The following TTC39B variants were observed in gnomAD, a reference collection of about 807,000 sequenced individuals.
The protein encoded by TTC39B is tetratricopeptide repeat protein 39B.
In TTC39B, 92 loss-of-function variants were observed where a neutral mutation model predicts 96.6. That is an observed-to-expected ratio of 0.95 (90% CI 0.80 to 1.13). TTC39B has a LOEUF of 1.13. Ranked by LOEUF, TTC39B falls within the 50% of genes most tolerant of loss-of-function variation. The pLI is 0.00. For synonymous variants in TTC39B, 367 were observed against 299.4 expected (o/e 1.23, Z -2.33); for missense variants, 955 against 809.3 (o/e 1.18, Z -2.18).
At chr9:15,176,701 G>A (rs1369991779) in intron 18 of TTC39B, among the ~76,000 whole-genome samples, 1 of 152,112 alleles carries the variant, frequency 6.6e-6, no homozygotes, top group Non-Finnish European at 1.5e-5. Flanking sequence ...GGCCCACACT[G>A]TGCAAAGCAA....
chr9:15,215,018 C>G lies in TTC39B; in HGVS notation c.372-769G>C, dbSNP rs544637019. On this transcript the variant is annotated intron_variant, in intron 3 of 19. Transcript: ENST00000512701. ...GGCTCATGCCCGGCACTTTAGGAGA[C>G]TGAGGCAGGAGGAATGCTTGAGGCC... Among the ~76,000 whole-genome samples the G allele has an allele frequency of 2.0e-5, 3 of 152,296 alleles. No individual in the cohort carries two copies. The South Asian group carries it at 6.2e-4, about 32-fold the overall frequency.
intron 1 of TTC39B, among the ~76,000 whole-genome samples, chr9:15,302,186 T>C (rs1194938674): frequency 1.4e-5 from 2 of 145,798 alleles, no homozygotes; most frequent in Non-Finnish European, 3.0e-5. Flanking sequence ...ATTAGCTGGA[T>C]GTGGTGGTGG....
chr9:15,275,288 G>C (rs544104276), intron 1 of TTC39B, among the ~76,000 whole-genome samples: 1 of 152,116 alleles, frequency 6.6e-6, no homozygotes, highest in Non-Finnish European at 1.5e-5. Context: ...TGATCTGCCC[G>C]CCTCGGCCTC....
intron 15 of TTC39B, 189 bp from the exon 16 acceptor site, chr9:15,185,595 C>A: frequency 1.4e-6 from 1 of 735,654 alleles, no homozygotes; most frequent in South Asian, 2.1e-5. Context: ...AGGGCCGGGG[C>A]CGAGCAATCT....
exon 20 of TTC39B, chr9:15,171,104 G>A (rs1208617783): frequency 6.6e-6 from 1 of 152,082 alleles, no homozygotes; most frequent in South Asian, 2.1e-4. Flanking sequence ...CCAACTAAAG[G>A]ACTAAGCAAG....
chr9:15,239,634 A>T (rs1821949356), intron 2 of TTC39B, among the ~76,000 whole-genome samples: 1 of 152,258 alleles, frequency 6.6e-6, no homozygotes, highest in Non-Finnish European at 1.5e-5. Context: ...GCTAGAAGCC[A>T]TTATCCTAGA....
chr9:15,204,305 G>A (rs1390745328), intron 6 of TTC39B, among the ~76,000 whole-genome samples: 1 of 151,948 alleles, frequency 6.6e-6, no homozygotes, highest in Non-Finnish European at 1.5e-5. Flanking sequence ...GAGGTGGGTG[G>A]ATCACCTGAG....
At chr9:15,279,499 C>T (rs1823672666) in intron 1 of TTC39B, among the ~76,000 whole-genome samples, 1 of 152,224 alleles carries the variant, frequency 6.6e-6, no homozygotes, top group Non-Finnish European at 1.5e-5. Context: ...AGTTTCACCA[C>T]CCACTGGCTC....
exon 20 of TTC39B, chr9:15,170,001 G>A (rs759240595): frequency 4.6e-5 from 7 of 151,998 alleles, no homozygotes; most frequent in Admixed American, 1.3e-4. Context: ...CAAAAATAAT[G>A]TTACCAAAGC....
rs528004615 is a variant in TTC39B at position 15,303,703 on chromosome 9, G to A, written c.240+3381C>T. 8.6e-5 allele frequency among the ~76,000 whole-genome samples: 13 copies of A among 151,816 alleles called. No homozygotes were observed. In the South Asian group the frequency reaches 1.9e-3, roughly 22 times the overall value. The stretch of plus-strand genomic sequence containing the variant: ...GCTGGAGTACAATGGTGCGATCTCA[G>A]CTCATGCAACCTCTGCCTCCCAGGT... On this transcript the variant is annotated intron_variant, in intron 1 of 19. Transcript: ENST00000512701.
intron 3 of TTC39B, among the ~76,000 whole-genome samples, chr9:15,220,107 G>C (rs1361640012): frequency 1.3e-5 from 2 of 152,202 alleles, no homozygotes; most frequent in Non-Finnish European, 2.9e-5. Context: ...TGCACAGAAT[G>C]ATGGGCAGAC....
At chr9:15,201,745 A>G (rs532405536) in intron 7 of TTC39B, among the ~76,000 whole-genome samples, 19 of 152,088 alleles carry the variant, frequency 1.2e-4, no homozygotes, top group Non-Finnish European at 1.9e-4. Flanking sequence ...TTTCAAGGAC[A>G]CCTGTAAGGT....
At chr9:15,199,408 AAAATT>A (rs1364764878) in intron 8 of TTC39B, among the ~76,000 whole-genome samples, 2 of 152,138 alleles carry the variant, frequency 1.3e-5, no homozygotes, top group Admixed American at 6.5e-5. Context: ...CACTCAACAA[AAAATT>A]AAGTTCATTT....
chr9:15,217,975 C>T (rs931749632), intron 3 of TTC39B, among the ~76,000 whole-genome samples: 2 of 151,814 alleles, frequency 1.3e-5, no homozygotes, highest in Admixed American at 6.6e-5. Flanking sequence ...TTTGGGAGGC[C>T]GAGGTGGGTG....
chr9:15,253,804 C>T (rs1014335769), intron 2 of TTC39B, among the ~76,000 whole-genome samples: 1 of 151,972 alleles, frequency 6.6e-6, no homozygotes, highest in Non-Finnish European at 1.5e-5. Flanking sequence ...CCTATTGGTG[C>T]CATGTTTGAA....
chr9:15,251,975 C>A (rs979467538), intron 2 of TTC39B, among the ~76,000 whole-genome samples: 1 of 151,850 alleles, frequency 6.6e-6, no homozygotes, highest in East Asian at 2.0e-4. Flanking sequence ...GGTCCCTGCT[C>A]CCCTGGAGCT....
chr9:15,213,099 G>A (rs1260366692), intron 4 of TTC39B, among the ~76,000 whole-genome samples: 2 of 151,994 alleles, frequency 1.3e-5, no homozygotes, highest in Admixed American at 6.6e-5. Context: ...GTACAACTAT[G>A]GCTCATCAAT....
intron 7 of TTC39B, among the ~76,000 whole-genome samples, chr9:15,202,509 C>T (rs375263097): frequency 5.2e-4 from 79 of 152,096 alleles, no homozygotes; most frequent in African/African-American, 1.8e-3. Context: ...GTCAGGAGTT[C>T]GAGACCAGCC....
intron 15 of TTC39B, 108 bp downstream of exon 15, chr9:15,186,836 C>T (rs1818552072): frequency 2.0e-6 from 2 of 983,854 alleles, no homozygotes; most frequent in East Asian, 2.5e-5. Context: ...GCTGGGACTA[C>T]AAGCACATGC....
Sources: allele counts gnomAD v4.1 joint callset (sites outside exome capture counted in the v4.1 genomes callset), GRCh38; gene constraint gnomAD v4.1.1; transcripts MANE v1.5; gene names NCBI Gene and HGNC (gene_info 2026-07-23, HGNC 2026-07-21).